Variants in ATP2B3 observed in about 807,000 individuals in gnomAD.
ATP2B3 encodes the protein plasma membrane calcium-transporting ATPase 3.
In ATP2B3, 12 loss-of-function variants were observed where a neutral mutation model predicts 70.8. The ratio of observed to expected loss-of-function variants is 0.17; its 90% confidence interval spans 0.11 to 0.27. The LOEUF (loss-of-function observed/expected upper bound fraction) is 0.27. Ranked by LOEUF, ATP2B3 falls within the 10% of genes least tolerant of loss-of-function variation. The pLI is 1.00. For synonymous variants in ATP2B3, 460 were observed against 497.8 expected, an observed-to-expected ratio of 0.92 and a Z score of 1.01; for missense variants, 858 against 1,118.5, an observed-to-expected ratio of 0.77 and a Z score of 3.32.
Position 153,562,126 on chromosome X carries a change from C to A in ATP2B3, c.3052-9C>A. Reference sequence around the variant, plus strand: ...CTGGACCTGCCTCTCTCCCACTTGCCCTTCGCAGATTGTCATCGTCCAGTT... The same window carrying A: ...CTGGACCTGCCTCTCTCCCACTTGCACTTCGCAGATTGTCATCGTCCAGTT... On this transcript the variant is annotated splice_polypyrimidine_tract_variant and intron_variant, in intron 19 of 21. Transcript: ENST00000263519. 1 of 1,208,515 alleles carries A rather than the reference C, an allele frequency of 8.3e-7. No homozygotes were observed. The highest frequency in any genetic ancestry group is 1.1e-6 in the Non-Finnish European group (1 of 892,223).
intron 21 of ATP2B3, chrX:153,569,718 C>T (rs1265414873): frequency 2.6e-5 from 31 of 1,209,577 alleles, no homozygotes; most frequent in Non-Finnish European, 3.4e-5. Context: ...CCTACTCACG[C>T]AATTCTCTCT....
intron 13 of ATP2B3, among the ~76,000 whole-genome samples, chrX:153,555,519 C>G (rs1487790628): frequency 8.1e-5 from 9 of 111,281 alleles, no homozygotes; most frequent in African/African-American, 2.9e-4. Context: ...GACCCTGTCT[C>G]TCTGTCCCCG....
At chrX:153,563,045 C>T (rs1557016918) in intron 20 of ATP2B3, among the ~76,000 whole-genome samples, 1 of 110,619 alleles carries the variant, frequency 9.0e-6, no homozygotes, top group East Asian at 2.8e-4. Context: ...ACCTTGATCA[C>T]TTCCTTACTC....
chrX:153,549,366 C>A lies in ATP2B3; in HGVS notation c.1339-131C>A, dbSNP rs1049758449. On this transcript the variant is annotated intron_variant, in intron 10 of 21. Coordinates refer to ENST00000263519, the MANE Select transcript of ATP2B3 (RefSeq NM_001001344.3). ...CTATTGGCTCAGGGCTGACCAGGTG[C>A]CCAGTGGGCTTAGTGCCACACGTGG... The A allele has an allele frequency of 3.5e-6, 4 of 1,133,871 alleles. No individual in the cohort carries two copies. The African/African-American group carries it at 7.2e-5, about 20-fold the overall frequency. 93.4% of individuals were successfully genotyped at this position (1,133,871 alleles called of 1,213,427 possible).
chrX:153,532,584 CT>C (rs1412397997), intron 2 of ATP2B3, among the ~76,000 whole-genome samples: 1 of 112,233 alleles, frequency 8.9e-6, no homozygotes, highest in African/African-American at 3.2e-5. Flanking sequence ...AGGGACCCCC[CT>C]GGCTGTCTCC....
chrX:153,538,241 C>T (rs1249658236), intron 3 of ATP2B3, among the ~76,000 whole-genome samples: 1 of 113,243 alleles, frequency 8.8e-6, no homozygotes, highest in East Asian at 2.8e-4. Flanking sequence ...GCCTGAGCCA[C>T]GGGGGCAGCT....
intron 16 of ATP2B3, among the ~76,000 whole-genome samples, 172 bp from the exon 17 acceptor site, chrX:153,557,940 C>T (rs2090565974): frequency 9.5e-6 from 1 of 104,910 alleles, no homozygotes; most frequent in Non-Finnish European, 1.9e-5. Context: ...GAATGTGTTG[C>T]ATTAAAAAAA....
intron 16 of ATP2B3, 132 bp from the exon 17 acceptor site, chrX:153,557,980 T>G: frequency 7.2e-6 from 4 of 558,570 alleles, no homozygotes; most frequent in African/African-American, 2.4e-5. Flanking sequence ...GTTCTTGGCT[T>G]TGGGGGGCGG....
In ATP2B3 at chrX:153,547,822, C is replaced by T; in HGVS notation, c.959-13C>T. ...AGGCACTGACCTTGGCCATGGGGTTCCTCTGTGTGCAGCTAAGAAGCAGGA... is the reference window on the plus strand; with the variant it reads ...AGGCACTGACCTTGGCCATGGGGTTTCTCTGTGTGCAGCTAAGAAGCAGGA... On this transcript the variant is annotated splice_polypyrimidine_tract_variant and intron_variant, in intron 8 of 21. Coordinates refer to ENST00000263519, the MANE Select transcript of ATP2B3 (RefSeq NM_001001344.3). 8.5e-7 allele frequency: 1 copy of T among 1,174,179 alleles called. No homozygotes were observed. Among genetic ancestry groups the T allele is most frequent in the Non-Finnish European group, 1.1e-6 (1 of 874,052 alleles).
At chrX:153,524,220 G>A (rs1434924714) in intron 2 of ATP2B3, among the ~76,000 whole-genome samples, 2 of 107,686 alleles carry the variant, frequency 1.9e-5, no homozygotes, top group South Asian at 3.9e-4. Context: ...TTTTCCATGT[G>A]TCTTCGTGTG....
At chrX:153,522,590 C>T (rs2089973936) in intron 2 of ATP2B3, among the ~76,000 whole-genome samples, 1 of 112,347 alleles carries the variant, frequency 8.9e-6, no homozygotes, top group Non-Finnish European at 1.9e-5. Flanking sequence ...TCACACGGAC[C>T]TAGACACCCC....
chrX:153,541,261 A>G (rs1462106337), intron 3 of ATP2B3, 98 bp from the exon 4 acceptor site: 1 of 1,053,809 alleles, frequency 9.5e-7, no homozygotes, highest in Non-Finnish European at 1.3e-6. Context: ...CTGCCACCCC[A>G]GGAGCAGTCA....
At chrX:153,544,605 C>A (rs1557008020) in intron 7 of ATP2B3, among the ~76,000 whole-genome samples, 1 of 111,614 alleles carries the variant, frequency 9.0e-6, no homozygotes, top group Non-Finnish European at 1.9e-5. Context: ...CCAGCAAGAC[C>A]AGGGGGCTCC....
intron 21 of ATP2B3, among the ~76,000 whole-genome samples, chrX:153,568,499 C>A (rs190322806): frequency 9.0e-6 from 1 of 111,338 alleles, no homozygotes; most frequent in Admixed American, 9.5e-5. Flanking sequence ...CCCCCCACCC[C>A]GCAAGCCACC....
chrX:153,581,087 T>TGTC lies in ATP2B3; in HGVS notation c.*789_*790insGTC, dbSNP rs67391061. ...TGAATGTAGCAAGGTTGTAGTTGTT[T>TGTC]TTTTTTTTTTTTCAGGGAACTAGAC... is the stretch of plus-strand genomic sequence containing the variant. On this transcript the variant is annotated 3_prime_UTR_variant, in exon 22 of 22. Transcript: ENST00000263519. The TGTC allele has an allele frequency of 1.7e-4, 1 of 6,015 alleles. No homozygotes were observed. The highest frequency in any genetic ancestry group is 6.4e-4 in the Non-Finnish European group (1 of 1,567). 0.5% of individuals were successfully genotyped at this position (6,015 alleles called of 1,213,427 possible).
At chrX:153,563,041 A>G (rs2090648517) in intron 20 of ATP2B3, among the ~76,000 whole-genome samples, 1 of 109,340 alleles carries the variant, frequency 9.1e-6, no homozygotes, top group Non-Finnish European at 1.9e-5. Context: ...TTTAACCTTG[A>G]TCACTTCCTT....
At chrX:153,561,080 T>C (rs782142732) in intron 19 of ATP2B3, among the ~76,000 whole-genome samples, 193 bp downstream of exon 19, 1 of 111,959 alleles carries the variant, frequency 8.9e-6, no homozygotes, top group South Asian at 3.8e-4. Context: ...CTTCCAAACA[T>C]TGCCGGCCTT....
At position 153,580,200 on chromosome X, in the gene ATP2B3, G is replaced by A. The variant is rs782466704; in HGVS notation, c.3565G>A (p.Gly1189Ser). Residue 1189 changes from glycine (G) to serine (S), a missense_variant, in exon 22 of 22, where the codon GGC becomes AGC. Coordinates refer to ENST00000263519, the MANE Select transcript of ATP2B3 (RefSeq NM_001001344.3). ...CCAGAACAACAACGCCATAGACAGC[G>A]GCATCTACCTGACCACGCATGTCAC... Reference protein sequence around the residue: ...PNQNNNAIDSGIYLTTHVTKS... With the variant: ...PNQNNNAIDSSIYLTTHVTKS... The A allele has an allele frequency of 1.9e-5, 21 of 1,078,139 alleles. No individual in the cohort carries two copies. Among genetic ancestry groups the A allele is most frequent in the East Asian group, 7.3e-5 (2 of 27,450 alleles). The allele number at this position is 1,078,139 out of a possible 1,213,427, so 88.9% of individuals were successfully genotyped here. A position where few individuals can be genotyped will look rare whatever the true frequency, so the allele number is the denominator to read the frequency against.
intron 21 of ATP2B3, among the ~76,000 whole-genome samples, chrX:153,579,090 G>A (rs1260547110): frequency 8.9e-6 from 1 of 112,873 alleles, no homozygotes; most frequent in Non-Finnish European, 1.9e-5. Context: ...TGTGGCCAGG[G>A]TGGAGAGGTA....
Sources: allele counts gnomAD v4.1 joint callset (sites outside exome capture counted in the v4.1 genomes callset), GRCh38; gene constraint gnomAD v4.1.1; transcripts MANE v1.5; gene names NCBI Gene and HGNC (gene_info 2026-07-23, HGNC 2026-07-21).